The following TTC6 variants were observed in gnomAD, a reference collection of about 807,000 sequenced individuals.
The protein encoded by TTC6 is tetratricopeptide repeat domain 6.
A neutral mutation model predicts 210.4 loss-of-function variants in TTC6; 172 were observed. The ratio of observed to expected loss-of-function variants is 0.82; its 90% confidence interval spans 0.72 to 0.93. The LOEUF (loss-of-function observed/expected upper bound fraction) is 0.93, where lower values mean the gene tolerates loss of function less well. TTC6 is among the 40% of genes least tolerant of loss of function. The probability of loss-of-function intolerance (pLI) is 0.00; values close to 1 mark genes in which losing one functional copy is unlikely to be tolerated. For synonymous variants in TTC6, 804 were observed against 819.6 expected (o/e 0.98, Z 0.32); for missense variants, 2,414 against 2,318.1 (o/e 1.04, Z -0.85).
intron 20 of TTC6, among the ~76,000 whole-genome samples, chr14:37,799,517 C>A (rs1227832071): frequency 6.6e-6 from 1 of 152,078 alleles, no homozygotes; most frequent in Admixed American, 6.6e-5. Flanking sequence ...GTGAGTGGAA[C>A]CTATGTCTCA....
At chr14:37,660,125 T>G (rs146984108) in intron 1 of TTC6, among the ~76,000 whole-genome samples, 1 of 152,286 alleles carries the variant, frequency 6.6e-6, no homozygotes, top group East Asian at 1.9e-4. Flanking sequence ...ATTTGTCAAT[T>G]TTTGTTTTGG....
chr14:37,790,924 C>T, intron 16 of TTC6, 87 bp downstream of exon 18: 1 of 1,122,292 alleles, frequency 8.9e-7, no homozygotes, highest in South Asian at 1.6e-5. Context: ...TTCCCCTCAT[C>T]ATTGATAACC....
intron 14 of TTC6, among the ~76,000 whole-genome samples, chr14:37,756,064 A>G (rs1439063302): frequency 6.6e-6 from 1 of 152,128 alleles, no homozygotes; most frequent in Non-Finnish European, 1.5e-5. Context: ...GAGGTCCTTC[A>G]TGTCCCTTGT....
intron 27 of TTC6, among the ~76,000 whole-genome samples, chr14:37,824,888 C>T (rs944215211): frequency 1.3e-5 from 2 of 152,058 alleles, no homozygotes; most frequent in African/African-American, 4.8e-5. Context: ...GCAAAGGGAG[C>T]AGGGCATGAG....
chr14:37,645,235 A>G, intron 1 of TTC6, among the ~76,000 whole-genome samples: 1 of 152,232 alleles, frequency 6.6e-6, no homozygotes, highest in African/African-American at 2.4e-5. Flanking sequence ...TGAAAGTTCA[A>G]TATCTCAAAC....
intron 14 of TTC6, among the ~76,000 whole-genome samples, chr14:37,758,132 G>A (rs1163004769): frequency 6.6e-6 from 1 of 152,134 alleles, no homozygotes; most frequent in African/African-American, 2.4e-5. Flanking sequence ...AGTGTGATGT[G>A]GTGCTGAGAA....
At chr14:37,744,093 G>T (rs1048897566) in intron 10 of TTC6, among the ~76,000 whole-genome samples, 3 of 152,132 alleles carry the variant, frequency 2.0e-5, no homozygotes, top group African/African-American at 7.2e-5. Flanking sequence ...AGAGTTGGAG[G>T]GACTGTAGTT....
At chr14:37,766,131 C>T (rs1272712278) in intron 14 of TTC6, among the ~76,000 whole-genome samples, 1 of 152,076 alleles carries the variant, frequency 6.6e-6, no homozygotes, top group Non-Finnish European at 1.5e-5. Context: ...TTCAACCATC[C>T]ATTTTAAAAG....
At chr14:37,678,010 T>C (rs534379961) in intron 1 of TTC6, among the ~76,000 whole-genome samples, 1 of 152,252 alleles carries the variant, frequency 6.6e-6, no homozygotes, top group African/African-American at 2.4e-5. Flanking sequence ...TCTGGGTCTT[T>C]TTGTATGATT....
In TTC6 at chr14:37,633,713, A is replaced by G. The variant is rs146472652; in HGVS notation, c.939+10710A>G. Among the ~76,000 whole-genome samples the G allele has an allele frequency of 1.3e-4, 20 of 152,336 alleles. No individual in the cohort carries two copies. The East Asian group carries it at 2.3e-3, about 18-fold the overall frequency. ...AGTGTCTAAACTTTCAACATCGTCC[A>G]GAAGTAAAGAGGCCACTCGCTCCCT... On this transcript the variant is annotated intron_variant, in intron 1 of 30. Transcript: ENST00000553443.
intron 1 of TTC6, among the ~76,000 whole-genome samples, chr14:37,625,264 T>C (rs1334276454): frequency 6.6e-6 from 1 of 151,972 alleles, no homozygotes; most frequent in East Asian, 1.9e-4. Flanking sequence ...AATGCAAGTA[T>C]AGGCCGGGCG....
rs146439135 is a variant in TTC6, at chr14:37,615,934, C to T, written c.-154-6116C>T. ...TTCAATTTTCCCAAGGCTTTTCATGCCAAGTATTTTTGGACTATATCCTGG... is the reference window on the plus strand; with the variant it reads ...TTCAATTTTCCCAAGGCTTTTCATGTCAAGTATTTTTGGACTATATCCTGG... On this transcript the variant is annotated intron_variant, in intron 2 of 2. Coordinates refer to the TTC6 transcript ENST00000556845. Among the ~76,000 whole-genome samples the T allele has an allele frequency of 1.4e-3, 210 of 152,284 alleles. 1 individual carries two copies. The highest frequency in any genetic ancestry group is 4.9e-3 in the African/African-American group (202 of 41,548).
Position 37,605,780 on chromosome 14 carries a change from T to G in TTC6, c.-234-883T>G, listed in dbSNP as rs998667916. Among the ~76,000 whole-genome samples, 3 of 152,216 alleles carry G rather than the reference T, an allele frequency of 2.0e-5. No homozygotes were observed. In the South Asian group the frequency reaches 6.2e-4, roughly 31 times the overall value. ...TGTAAATGGAATGCTAAACATCAGC[T>G]ACTACCTCCAAGAAAAATAAATCCT... On this transcript the variant is annotated intron_variant, in intron 1 of 2. Transcript: ENST00000556845.
intron 1 of TTC6, among the ~76,000 whole-genome samples, chr14:37,630,823 A>G (rs1170704755): frequency 6.9e-6 from 1 of 145,102 alleles, no homozygotes; most frequent in African/African-American, 2.6e-5. Context: ...TGATCCCTTT[A>G]CCATTATGTA....
chr14:37,800,050 T>C (rs930929476), intron 20 of TTC6, among the ~76,000 whole-genome samples: 4 of 152,160 alleles, frequency 2.6e-5, no homozygotes, highest in African/African-American at 9.7e-5. Flanking sequence ...AGATGCAGTG[T>C]TGCTGTAACA....
chr14:37,621,571 T>G (rs1253581892), upstream of TTC6, among the ~76,000 whole-genome samples: 2 of 152,212 alleles, frequency 1.3e-5, no homozygotes, highest in Non-Finnish European at 2.9e-5. Flanking sequence ...ATCATGCCAC[T>G]GTACTCCAGT....
intron 29 of TTC6, among the ~76,000 whole-genome samples, chr14:37,833,628 T>G (rs930059018): frequency 2.0e-5 from 3 of 152,210 alleles, no homozygotes; most frequent in Non-Finnish European, 4.4e-5. Context: ...TAAGGACTTA[T>G]TTCTGTCATT....
chr14:37,710,671 A>G (rs1036050679), intron 5 of TTC6, among the ~76,000 whole-genome samples: 6 of 152,188 alleles, frequency 3.9e-5, no homozygotes, highest in African/African-American at 1.4e-4. Context: ...GAGGAAACAG[A>G]CTGAAGAGGA....
rs535336046 is a variant in TTC6 at position 37,758,550 on chromosome 14, C to G, written c.3266+5315C>G. On this transcript the variant is annotated intron_variant, in intron 14 of 30. Coordinates refer to ENST00000553443, the Ensembl canonical transcript of TTC6. ...TTCCATTTGCTTGGTAGTTCTTCCT[C>G]CATCCCTTTATTTTGAGCCTATGTG... 5.1e-4 allele frequency among the ~76,000 whole-genome samples: 77 copies of G among 152,236 alleles called. 2 individuals carry two copies. In the South Asian group the frequency reaches 0.016, roughly 32 times the overall value.
Sources: allele counts gnomAD v4.1 joint callset (sites outside exome capture counted in the v4.1 genomes callset), GRCh38; gene constraint gnomAD v4.1.1; transcripts MANE v1.5; gene names NCBI Gene and HGNC (gene_info 2026-07-23, HGNC 2026-07-21).